The following SLC2A5 variants were observed in gnomAD, a reference collection of about 807,000 sequenced individuals.
The protein encoded by SLC2A5 is solute carrier family 2 member 5, also known as solute carrier family 2, facilitated glucose transporter member 5.
Under a neutral mutation model 50.3 loss-of-function variants are expected in SLC2A5, and 56 were observed. That is an observed-to-expected ratio of 1.11 (90% CI 0.90 to 1.39). SLC2A5 has a LOEUF of 1.39. Ranked by LOEUF, SLC2A5 falls within the 40% of genes most tolerant of loss-of-function variation. The pLI, the probability that SLC2A5 is intolerant of heterozygous loss-of-function variation, is 0.00. For synonymous variants in SLC2A5, 269 were observed against 281.9 expected (o/e 0.95, Z 0.46); for missense variants, 566 against 650.1 (o/e 0.87, Z 1.41).
intron 2 of SLC2A5, among the ~76,000 whole-genome samples, chr1:9,077,825 G>C (rs1235327701): frequency 6.6e-6 from 1 of 151,594 alleles, no homozygotes; most frequent in African/African-American, 2.4e-5. Context: ...GAGGGAGGGA[G>C]GGGCAATGGG....
rs1012634366 is a variant in SLC2A5, at chr1:9,044,012, G to A, written c.419-2075C>T. ...GCTGGGATTACAGGCATGAGCCACCGTGCCTGGCCTGGCTTTTGAAGTTTA... is the reference window on the plus strand; with the variant it reads ...GCTGGGATTACAGGCATGAGCCACCATGCCTGGCCTGGCTTTTGAAGTTTA... On this transcript the variant is annotated intron_variant, in intron 4 of 11. Transcript: ENST00000377424. Among the ~76,000 whole-genome samples, 4 of 149,530 alleles carry A rather than the reference G, an allele frequency of 2.7e-5. No individual in the cohort carries two copies. The East Asian group carries it at 6.4e-4, about 24-fold the overall frequency.
rs1641125175 is a variant in SLC2A5 at position 9,035,876 on chromosome 1, ACC to A, written c.*1708_*1709del. Reference sequence around the variant, plus strand: ...TGGTGGCAGGCAAGAGAGAATGAGAACCAAGCAAAAGGTTTTACCCCTTACAG... The same window carrying A: ...TGGTGGCAGGCAAGAGAGAATGAGAAAAGCAAAAGGTTTTACCCCTTACAG... On this transcript the variant is annotated 3_prime_UTR_variant, in exon 12 of 12. Transcript: ENST00000377424. 1 of 152,222 alleles carries A rather than the reference ACC, an allele frequency of 6.6e-6. No individual in the cohort carries two copies. Among genetic ancestry groups the A allele is most frequent in the South Asian group, 2.1e-4 (1 of 4,828 alleles). 9.4% of individuals were successfully genotyped at this position (152,222 alleles called of 1,614,324 possible).
At position 9,057,292 on chromosome 1, in the gene SLC2A5, TA is replaced by T. The variant is rs760221358; in HGVS notation, c.293+155del. ...CAGAGCAAGACTCCATCTCAAAAAT[TA>T]AAAAAAAAAAAAAAAAAAAAAAGAA... is the stretch of plus-strand genomic sequence containing the variant. On this transcript the variant is annotated intron_variant, in intron 3 of 11. Transcript: ENST00000377424. Among the ~76,000 whole-genome samples, 5,889 of 103,426 alleles carry T rather than the reference TA, an allele frequency of 0.057. 244 individuals are homozygous for T. Among genetic ancestry groups the T allele is most frequent in the African/African-American group, 0.16 (4,270 of 26,574 alleles). 67.9% of individuals were successfully genotyped at this position (103,426 alleles called of 152,430 possible). A position where few individuals can be genotyped will look rare whatever the true frequency, so the allele number is the denominator to read the frequency against.
intron 1 of SLC2A5, among the ~76,000 whole-genome samples, chr1:9,065,194 A>G (rs193265068): frequency 1.4e-4 from 21 of 152,204 alleles, no homozygotes; most frequent in African/African-American, 2.4e-4. Context: ...AACTTCTCCT[A>G]TGCTCTCCAA....
At chr1:9,087,482 G>A (rs1424834428) in intron 1 of SLC2A5, among the ~76,000 whole-genome samples, 1 of 152,104 alleles carries the variant, frequency 6.6e-6, no homozygotes, top group Admixed American at 6.5e-5. Context: ...GGAATTACAG[G>A]CGTGAGCCAC....
At chr1:9,086,157 C>G (rs1258381880) in intron 1 of SLC2A5, among the ~76,000 whole-genome samples, 1 of 152,162 alleles carries the variant, frequency 6.6e-6, no homozygotes, top group Non-Finnish European at 1.5e-5. Context: ...ATAATGACAG[C>G]TGGACTTTCT....
chr1:9,039,966 C>T lies in SLC2A5; in HGVS notation c.719G>A (p.Trp240Ter). 1.2e-6 allele frequency: 2 copies of T among 1,611,984 alleles called. No individual in the cohort carries two copies. The highest frequency in any genetic ancestry group is 1.7e-4 in the Middle Eastern group (1 of 6,056). ...AKKALQTLRG[W>*]DSVDREVAEI... ...GGCCACCTCCCTGTCCACAGAGTCC[C>T]AGCCGCGCAGCGTCTGTAGGGCTGG... is the stretch of plus-strand genomic sequence containing the variant. The change falls in exon 7 of 12, where the codon TGG (tryptophan) becomes TAG (stop). Residue 240 changes from tryptophan to a stop codon, truncating the protein, a stop_gained. Transcript: ENST00000377424. LOFTEE classifies it high-confidence loss of function.
At chr1:9,043,276 G>A (rs933042144) in intron 4 of SLC2A5, among the ~76,000 whole-genome samples, 1 of 152,138 alleles carries the variant, frequency 6.6e-6, no homozygotes, top group Non-Finnish European at 1.5e-5. Context: ...ACTGAGATAG[G>A]AGGGTACCTG....
At chr1:9,063,715 G>A (rs1162455547) in intron 1 of SLC2A5, among the ~76,000 whole-genome samples, 1 of 58,186 alleles carries the variant, frequency 1.7e-5, no homozygotes, top group Non-Finnish European at 2.8e-5. Flanking sequence ...TTTTTTTTGA[G>A]ACGGAGTCTT....
Position 9,057,242 on chromosome 1 carries a change from C to T in SLC2A5, c.293+206G>A, listed in dbSNP as rs540212006. Among the ~76,000 whole-genome samples the T allele has an allele frequency of 2.1e-4, 31 of 147,724 alleles. No homozygotes were observed. The East Asian group carries it at 5.4e-3, about 26-fold the overall frequency. On this transcript the variant is annotated intron_variant, in intron 3 of 11. Transcript: ENST00000377424. ...CGGAGGTTGCGGTGAGCCAAGATCG[C>T]GCCACTGCATTCCAGCCTGGCTGAC...
intron 3 of SLC2A5, among the ~76,000 whole-genome samples, chr1:9,054,941 G>C (rs1308574767): frequency 6.6e-6 from 1 of 152,138 alleles, no homozygotes; most frequent in African/African-American, 2.4e-5. Context: ...TATATTTATA[G>C]TGTTTGCTTT....
intron 3 of SLC2A5, among the ~76,000 whole-genome samples, chr1:9,053,313 T>TATTA (rs1557670273): frequency 0.014 from 130 of 9,076 alleles, 36 homozygotes; most frequent in Admixed American, 0.02. Flanking sequence ...TATTTATATA[T>TATTA]TGTATTTATA....
At chr1:9,090,702 C>T (rs1219382225), upstream of SLC2A5, among the ~76,000 whole-genome samples, 3 of 152,172 alleles carry the variant, frequency 2.0e-5, no homozygotes, top group East Asian at 1.9e-4. Flanking sequence ...TCTTTTTGCT[C>T]TCACTTGGAC....
chr1:9,040,886 G>A lies in SLC2A5; in HGVS notation c.572-697C>T, dbSNP rs1641284508. Reference sequence around the variant, plus strand: ...GAGTGAAGGAGAGGCAGGAGCATGTGGTACTTAAACAGGGACCTAGGTCTG... The same window carrying A: ...GAGTGAAGGAGAGGCAGGAGCATGTAGTACTTAAACAGGGACCTAGGTCTG... On this transcript the variant is annotated intron_variant, in intron 5 of 11. Transcript: ENST00000377424. The surrounding 1 kb of genome is among the most constrained non-coding windows in gnomAD (Gnocchi z 4.3). The A allele has an allele frequency of 6.5e-6, 1 of 153,496 alleles. No homozygotes were observed. Among genetic ancestry groups the A allele is most frequent in the Non-Finnish European group, 1.5e-5 (1 of 68,936 alleles). 9.5% of individuals were successfully genotyped at this position (153,496 alleles called of 1,614,324 possible). A position where few individuals can be genotyped will look rare whatever the true frequency, so the allele number is the denominator to read the frequency against.
At chr1:9,045,999 A>G (rs1641425498) in intron 4 of SLC2A5, among the ~76,000 whole-genome samples, 1 of 152,098 alleles carries the variant, frequency 6.6e-6, no homozygotes, top group Non-Finnish European at 1.5e-5. Context: ...CTGTTTGGGA[A>G]ATGTCTTCTC....
chr1:9,089,239 C>G (rs916493629), upstream of SLC2A5, among the ~76,000 whole-genome samples: 2 of 152,102 alleles, frequency 1.3e-5, no homozygotes, highest in Non-Finnish European at 2.9e-5. Context: ...TGGGCATGGA[C>G]AAAAATGCCC....
chr1:9,093,454 G>A (rs539875235), upstream of SLC2A5, among the ~76,000 whole-genome samples: 27 of 152,200 alleles, frequency 1.8e-4, no homozygotes, highest in African/African-American at 5.1e-4. Context: ...CACATAAGCC[G>A]CTTATGTCTC....
chr1:9,086,063 G>A (rs1331247004), intron 1 of SLC2A5, among the ~76,000 whole-genome samples: 1 of 152,220 alleles, frequency 6.6e-6, no homozygotes, highest in Admixed American at 6.5e-5. Context: ...GAGAACAAAG[G>A]AAGGGAACTA....
upstream of SLC2A5, among the ~76,000 whole-genome samples, chr1:9,071,133 G>A (rs1411773768): frequency 6.6e-6 from 1 of 152,166 alleles, no homozygotes; most frequent in East Asian, 1.9e-4. Context: ...AATCCGGCCG[G>A]GCGCGGTGGC....
Sources: gnomAD v4.1 joint callset for allele counts (sites outside exome capture counted in the v4.1 genomes callset) on GRCh38, gnomAD v4.1.1 for gene constraint, Gnocchi (gnomAD v3.1) non-coding constraint, MANE v1.5 for transcripts, NCBI Gene and HGNC (gene_info 2026-07-23, HGNC 2026-07-21) for gene names.